The following IRAK1BP1 variants were observed in gnomAD, a reference collection of about 807,000 sequenced individuals.
IRAK1BP1 encodes the protein interleukin-1 receptor-associated kinase 1-binding protein 1.
A neutral mutation model predicts 28.0 loss-of-function variants in IRAK1BP1; 24 were observed. The observed-to-expected ratio is 0.86, with a 90% confidence interval of 0.62 to 1.20. The LOEUF (loss-of-function observed/expected upper bound fraction) is 1.20. IRAK1BP1 is among the 50% of genes most tolerant of loss of function. The pLI is 0.00. For missense variants in IRAK1BP1, 336 were observed against 316.7 expected (o/e 1.06, Z -0.46); for synonymous variants, 131 against 116.3 (o/e 1.13, Z -0.81).
At chr6:78,967,951 G>T in the IRAK1BP1 span, among the ~76,000 whole-genome samples, 4 of 151,822 alleles carry the variant, frequency 2.6e-5, no homozygotes, top group African/African-American at 9.7e-5. Context: ...TGGCTAACGC[G>T]GTGAAACCCT....
intron 4 of IRAK1BP1, chr6:78,936,939 T>C (rs553529180): frequency 6.6e-6 from 1 of 151,942 alleles, no homozygotes; most frequent in South Asian, 2.1e-4. Context: ...AAGAAAAGTG[T>C]ATTTTTCAAA....
At chr6:78,946,288 C>G in exon 5 of IRAK1BP1, 9 of 1,587,320 alleles carry the variant, frequency 5.7e-6, no homozygotes, top group Non-Finnish European at 7.7e-6. Context: ...TTGTCAGTCA[C>G]TCTTATAGCT....
chr6:78,937,532 T>C (rs1425767905), intron 4 of IRAK1BP1: 2 of 151,756 alleles, frequency 1.3e-5, no homozygotes, highest in African/African-American at 4.8e-5. Context: ...CTAAATTTAG[T>C]CAATCCCAAG....
At chr6:78,978,094 A>G in the IRAK1BP1 span, among the ~76,000 whole-genome samples, 2 of 152,114 alleles carry the variant, frequency 1.3e-5, no homozygotes, top group Admixed American at 6.6e-5. Flanking sequence ...TTCTAAAACA[A>G]TGGTCTCATC....
chr6:78,870,816 A>G (rs1038940093), intron 1 of IRAK1BP1, among the ~76,000 whole-genome samples: 1 of 151,972 alleles, frequency 6.6e-6, no homozygotes, highest in African/African-American at 2.4e-5. Context: ...GGTTCAAGCA[A>G]TTCTCCTGCC....
At chr6:78,956,985 T>C in the IRAK1BP1 span, 1 of 152,048 alleles carries the variant, frequency 6.6e-6, no homozygotes. Flanking sequence ...AAAAGTATAA[T>C]AATCAAAATT....
At chr6:78,915,564 G>A (rs1772538385) in intron 4 of IRAK1BP1, among the ~76,000 whole-genome samples, 1 of 152,186 alleles carries the variant, frequency 6.6e-6, no homozygotes, top group African/African-American at 2.4e-5. Context: ...GGATACCTAA[G>A]TTGGTGCATA....
chr6:78,975,136 C>G, the IRAK1BP1 span, among the ~76,000 whole-genome samples: 31 of 151,890 alleles, frequency 2.0e-4, no homozygotes, highest in Non-Finnish European at 4.1e-4. Flanking sequence ...AAAATACTGG[C>G]AAACCGAATC....
intron 4 of IRAK1BP1, among the ~76,000 whole-genome samples, chr6:78,925,452 T>C (rs2127667931): frequency 6.6e-6 from 1 of 152,190 alleles, no homozygotes; most frequent in Admixed American, 6.5e-5. Context: ...ACATCACCAA[T>C]CATTAGAGGA....
At chr6:78,938,160 A>G (rs1435501029) in intron 4 of IRAK1BP1, 1 of 151,642 alleles carries the variant, frequency 6.6e-6, no homozygotes, top group Non-Finnish European at 1.5e-5. Flanking sequence ...ATCTAAATAT[A>G]TTGGTATTAC....
At chr6:78,880,913 G>A (rs936253276) in intron 1 of IRAK1BP1, among the ~76,000 whole-genome samples, 4 of 152,124 alleles carry the variant, frequency 2.6e-5, no homozygotes, top group Admixed American at 1.3e-4. Flanking sequence ...AGGAATTCTC[G>A]TTCATTGCTG....
intron 4 of IRAK1BP1, among the ~76,000 whole-genome samples, chr6:78,929,213 T>C (rs1372382374): frequency 1.6e-4 from 25 of 152,162 alleles, no homozygotes; most frequent in Admixed American, 1.5e-3. Flanking sequence ...TGTTGAAGTT[T>C]TGGATTTCTT....
At chr6:78,938,131 T>C (rs1773340480) in intron 4 of IRAK1BP1, 1 of 151,734 alleles carries the variant, frequency 6.6e-6, no homozygotes, top group Non-Finnish European at 1.5e-5. Flanking sequence ...GCATAGAAGC[T>C]AAATTATAAA....
At chr6:78,938,071 A>G (rs546692899) in intron 4 of IRAK1BP1, 1 of 151,896 alleles carries the variant, frequency 6.6e-6, no homozygotes, top group South Asian at 2.1e-4. Context: ...AGTGGTAAAG[A>G]AAACAAAAAT....
chr6:78,961,111 C>A, the IRAK1BP1 span, among the ~76,000 whole-genome samples: 1 of 152,002 alleles, frequency 6.6e-6, no homozygotes, highest in Admixed American at 6.6e-5. Flanking sequence ...CGATTAAAGA[C>A]ATTCATCAAA....
intron 4 of IRAK1BP1, among the ~76,000 whole-genome samples, chr6:78,931,779 G>C (rs1205103926): frequency 6.6e-6 from 1 of 152,192 alleles, no homozygotes; most frequent in East Asian, 1.9e-4. Flanking sequence ...CAATGTTGAT[G>C]CCTGCTGACT....
intron 1 of IRAK1BP1, among the ~76,000 whole-genome samples, chr6:78,879,553 T>C (rs1771145298): frequency 1.3e-5 from 2 of 152,186 alleles, no homozygotes; most frequent in African/African-American, 4.8e-5. Flanking sequence ...TCACACCTTA[T>C]ACAAAACTTT....
intron 4 of IRAK1BP1, among the ~76,000 whole-genome samples, chr6:78,909,794 C>G (rs1772356339): frequency 6.6e-6 from 1 of 152,188 alleles, no homozygotes; most frequent in Non-Finnish European, 1.5e-5. Context: ...ATATTTATAG[C>G]AGGAGACATT....
At chr6:78,921,623 C>G (rs983589708) in intron 4 of IRAK1BP1, among the ~76,000 whole-genome samples, 6 of 152,230 alleles carry the variant, frequency 3.9e-5, no homozygotes, top group African/African-American at 1.4e-4. Context: ...GACAGACTGC[C>G]TCCTCAAGTG....
Sources: gnomAD v4.1 joint callset for allele counts (sites outside exome capture counted in the v4.1 genomes callset) on GRCh38, gnomAD v4.1.1 for gene constraint, MANE v1.5 for transcripts, NCBI Gene and HGNC (gene_info 2026-07-23, HGNC 2026-07-21) for gene names.